GOSR2: variants seen among roughly 807,000 people sequenced by gnomAD.
The protein encoded by GOSR2 is golgi SNAP receptor complex member 2, also known as 27 kDa Golgi SNARE protein.
GOSR2 carries 20 observed loss-of-function variants against 27.9 expected under a neutral mutation model. The observed-to-expected ratio is 0.72, with a 90% confidence interval of 0.50 to 1.04. GOSR2 has a LOEUF of 1.04. GOSR2 is among the 50% of genes least tolerant of loss of function. GOSR2 has a pLI of 0.00. For synonymous variants in GOSR2, 91 were observed against 98.8 expected (o/e 0.92, Z 0.47); for missense variants, 261 against 270.5 (o/e 0.97, Z 0.25).
At chr17:46,957,061 C>T (rs2090764843) in intron 6 of GOSR2, among the ~76,000 whole-genome samples, 1 of 152,174 alleles carries the variant, frequency 6.6e-6, no homozygotes, top group African/African-American at 2.4e-5. Context: ...GTAGTCCCAG[C>T]ACTTTGGGAG....
chr17:46,927,887 C>T (rs1309136836), intron 1 of GOSR2, among the ~76,000 whole-genome samples: 1 of 152,018 alleles, frequency 6.6e-6, no homozygotes, highest in African/African-American at 2.4e-5. Flanking sequence ...ATCATATTAC[C>T]AACTTTCAGA....
At chr17:46,969,930 G>T (rs2091373864), downstream of GOSR2, among the ~76,000 whole-genome samples, 1 of 152,090 alleles carries the variant, frequency 6.6e-6, no homozygotes, top group Non-Finnish European at 1.5e-5. Context: ...TGCCCCAGCT[G>T]CCCTGGTGAT....
In GOSR2 at chr17:46,940,576, C is replaced by T. The variant is rs1274628174; in HGVS notation, c.*1816C>T. On this transcript the variant is annotated 3_prime_UTR_variant, in exon 6 of 6. Coordinates refer to ENST00000640051, the MANE Select transcript of GOSR2 (RefSeq NM_004287.5). Reference sequence around the variant, plus strand: ...CCAGGCACCCAAGGATCCTGCCAGACAGCACACTTTGGAGGAAGGTCTGCA... The same window carrying T: ...CCAGGCACCCAAGGATCCTGCCAGATAGCACACTTTGGAGGAAGGTCTGCA... 3 of 1,614,088 alleles carry T rather than the reference C, an allele frequency of 1.9e-6. No homozygotes were observed. The highest frequency in any genetic ancestry group is 3.3e-5 in the Admixed American group (2 of 60,010).
At chr17:46,933,095 T>A (rs565086473) in intron 4 of GOSR2, 1 of 152,374 alleles carries the variant, frequency 6.6e-6, no homozygotes, top group East Asian at 1.9e-4. Context: ...TTCAAAAATT[T>A]AATGAACTAT....
Position 46,938,902 on chromosome 17 carries a change from T to C in GOSR2, c.*142T>C. 2.6e-6 allele frequency: 4 copies of C among 1,533,396 alleles called. No individual in the cohort carries two copies. The South Asian group carries it at 4.7e-5, about 18-fold the overall frequency. 95.0% of individuals were successfully genotyped at this position (1,533,396 alleles called of 1,614,324 possible). A position where few individuals can be genotyped will look rare whatever the true frequency, so the allele number is the denominator to read the frequency against. ...AAGACACTTGGGAGTGATTGTGGTC[T>C]AATTTCCAACCTGCTCTGTTTTCTG... On this transcript the variant is annotated 3_prime_UTR_variant, in exon 6 of 6. Transcript: ENST00000640051.
chr17:46,948,594 A>G (rs2090099410), intron 6 of GOSR2: 3 of 152,242 alleles, frequency 2.0e-5, no homozygotes, highest in African/African-American at 7.2e-5. Flanking sequence ...GGAAATGGGA[A>G]TGCTAATAAT....
chr17:46,935,700 G>A (rs766357222), intron 5 of GOSR2: 40 of 989,148 alleles, frequency 4.0e-5, no homozygotes, highest in East Asian at 1.1e-4. Flanking sequence ...GCCCGTGCTG[G>A]TGATCCCAGC....
At chr17:46,972,156 G>A (rs1455455702) in intron 6 of GOSR2, among the ~76,000 whole-genome samples, 1 of 152,198 alleles carries the variant, frequency 6.6e-6, no homozygotes, top group Non-Finnish European at 1.5e-5. Flanking sequence ...GGCCCAGGCT[G>A]TGTGCTGACA....
chr17:46,931,981 C>T (rs1028236880), intron 3 of GOSR2, 86 bp from the exon 4 acceptor site: 91 of 1,186,956 alleles, frequency 7.7e-5, no homozygotes, highest in Non-Finnish European at 1.0e-4. Context: ...AAGGAAACGC[C>T]GTCTTTCCTC....
Position 46,933,320 on chromosome 17 carries a change from T to G in GOSR2, c.336+1121T>G, listed in dbSNP as rs78315175. The stretch of plus-strand genomic sequence containing the variant: ...AGCTATAATACATTTTTCTGAGAGA[T>G]AATGGCCCATCAGCCATACTGTTTT... On this transcript the variant is annotated intron_variant, in intron 4 of 5. Transcript: ENST00000640051. 1.1e-4 allele frequency: 17 copies of G among 152,324 alleles called. No homozygotes were observed. The East Asian group carries it at 3.3e-3, about 29-fold the overall frequency. 9.4% of individuals were successfully genotyped at this position (152,324 alleles called of 1,614,324 possible).
Position 46,940,555 on chromosome 17 carries a change from G to C in GOSR2, c.*1795G>C, listed in dbSNP as rs147434599. On this transcript the variant is annotated 3_prime_UTR_variant, in exon 6 of 6. Coordinates refer to ENST00000640051, the MANE Select transcript of GOSR2 (RefSeq NM_004287.5). Reference sequence around the variant, plus strand: ...ACGGCAAGGCTGTCCTGTCCCCCAGGCACCCAAGGATCCTGCCAGACAGCA... The same window carrying C: ...ACGGCAAGGCTGTCCTGTCCCCCAGCCACCCAAGGATCCTGCCAGACAGCA... 9.4e-4 allele frequency: 1,516 copies of C among 1,614,144 alleles called. 1 individual carries two copies. Among genetic ancestry groups the C allele is most frequent in the Middle Eastern group, 2.6e-3 (16 of 6,062 alleles).
At position 46,938,601 on chromosome 17, in the gene GOSR2, G is replaced by T; in HGVS notation, c.480G>T (p.Gly160=). ...TTTTCTGTTCTCTTCTGCCCCAGGG[G>T]ACTCAGAAGAAGATCCTTGACATTG... is the stretch of plus-strand genomic sequence containing the variant. ...GLRTQRLTLK[G]TQKKILDIAN... Residue 160 remains glycine (G), a splice_region_variant and synonymous_variant, in exon 6 of 6, where the codon GGG becomes GGT. Transcript: ENST00000640051. 3 of 1,613,922 alleles carry T rather than the reference G, an allele frequency of 1.9e-6. No homozygotes were observed. The highest frequency in any genetic ancestry group is 2.5e-6 in the Non-Finnish European group (3 of 1,179,840).
At chr17:46,943,304 G>A (rs1421393075), downstream of GOSR2, among the ~76,000 whole-genome samples, 1 of 152,192 alleles carries the variant, frequency 6.6e-6, no homozygotes, top group Non-Finnish European at 1.5e-5. Flanking sequence ...TCTCTGCTGA[G>A]TAAAGCACCT....
chr17:46,924,171 A>G (rs373756105), intron 1 of GOSR2: 2 of 288,612 alleles, frequency 6.9e-6, no homozygotes, highest in Non-Finnish European at 1.3e-5. Context: ...ACTTCTCTCT[A>G]TGAGTTTACC....
At chr17:46,928,687 C>A (rs2086855657) in intron 1 of GOSR2, among the ~76,000 whole-genome samples, 1 of 152,184 alleles carries the variant, frequency 6.6e-6, no homozygotes, top group Non-Finnish European at 1.5e-5. Flanking sequence ...GTCCCTGTCT[C>A]AGGGTCTTCC....
At position 46,966,586 on chromosome 17, in the gene GOSR2, AG is replaced by A; in HGVS notation, c.637del (p.Asp213IlefsTer13). The A allele has an allele frequency of 2.9e-6, 2 of 691,286 alleles. No homozygotes were observed. Among genetic ancestry groups the A allele is most frequent in the South Asian group, 3.0e-5 (2 of 65,594 alleles). The allele number at this position is 691,286 out of a possible 1,614,324, so 42.8% of individuals were successfully genotyped here. A position where few individuals can be genotyped will look rare whatever the true frequency, so the allele number is the denominator to read the frequency against. ...ATGGACCCGAACTCCTGAGCTCAAG[AG>A]ATCCTCCTGCATCAGCCTCCCGAAG... On this transcript the variant is annotated frameshift_variant, in exon 7 of 7. Transcript: ENST00000573224. LOFTEE classifies it high-confidence loss of function.
intron 6 of GOSR2, among the ~76,000 whole-genome samples, chr17:46,951,674 C>A (rs1368388077): frequency 6.6e-6 from 1 of 152,196 alleles, no homozygotes; most frequent in East Asian, 1.9e-4. Context: ...GCACAACCTC[C>A]CAGGCCAGGG....
chr17:46,927,990 C>G (rs1161871527), intron 1 of GOSR2, among the ~76,000 whole-genome samples: 1 of 152,188 alleles, frequency 6.6e-6, no homozygotes, highest in Non-Finnish European at 1.5e-5. Flanking sequence ...CCGTTACCCT[C>G]CGGTCCCCTG....
chr17:46,923,983 T>C, intron 1 of GOSR2: 1 of 397,540 alleles, frequency 2.5e-6, no homozygotes, highest in African/African-American at 2.1e-5. Context: ...TTGTAAAATA[T>C]ACACAACATA....
Sources: gnomAD v4.1 joint callset for allele counts (sites outside exome capture counted in the v4.1 genomes callset) on GRCh38, gnomAD v4.1.1 for gene constraint, MANE v1.5 for transcripts, NCBI Gene and HGNC (gene_info 2026-07-23, HGNC 2026-07-21) for gene names.